Variants in NCOR2 observed in about 807,000 individuals in gnomAD.
NCOR2 encodes CTG repeat protein 26.
A neutral mutation model predicts 262.9 loss-of-function variants in NCOR2; 81 were observed. The ratio of observed to expected loss-of-function variants is 0.31; its 90% CI spans 0.26 to 0.37. NCOR2 has a LOEUF of 0.37. Ranked by LOEUF, NCOR2 falls within the 10% of genes least tolerant of loss-of-function variation. The probability of loss-of-function intolerance (pLI) is 1.00; values close to 1 mark genes in which losing one functional copy is unlikely to be tolerated. For missense variants in NCOR2, 3,385 were observed against 3,621.4 expected (o/e 0.93, Z 1.68); for synonymous variants, 1,659 against 1,559.3 (o/e 1.06, Z -1.51).
intron 4 of NCOR2, among the ~76,000 whole-genome samples, chr12:124,472,638 C>A (rs77672309): frequency 1.3e-5 from 2 of 152,314 alleles, no homozygotes; most frequent in Middle Eastern, 3.4e-3. Context: ...CTGTCTAATG[C>A]GGCAGCCTGT....
chr12:124,337,116 G>A, exon 38 of NCOR2: 1 of 1,510,582 alleles, frequency 6.6e-7, no homozygotes, highest in Non-Finnish European at 8.9e-7. Flanking sequence ...GTGCCGCCCA[G>A]TGGGCAGTGG....
chr12:124,358,201 C>T lies in NCOR2; in HGVS notation c.3101-1419G>A, dbSNP rs567241455. 4.4e-4 allele frequency among the ~76,000 whole-genome samples: 65 copies of T among 147,414 alleles called. No homozygotes were observed. In the South Asian group the frequency reaches 0.01, roughly 24 times the overall value. ...AAGGAGATAACCTGTGATGTGTGTG[C>T]GCGTGCATGTGCATGTGTGTGTGAG... On this transcript the variant is annotated intron_variant, in intron 22 of 46. Transcript: ENST00000405201.
intron 20 of NCOR2, among the ~76,000 whole-genome samples, chr12:124,367,928 C>A (rs1037175898): frequency 1.7e-4 from 26 of 152,370 alleles, no homozygotes; most frequent in Admixed American, 1.4e-3. Flanking sequence ...GCCACCGCGA[C>A]CGGCCTCTCT....
Position 124,483,721 on chromosome 12 carries a change from C to T in NCOR2, c.286G>A (p.Gly96Arg), listed in dbSNP as rs376765933. ...TCAATGAACTCCATCTCTGACTTCC[C>T]CAGCTCGGGCAGGTATGAGTGGGAC... Residue 96 changes from glycine (G) to arginine (R), a missense_variant, in exon 3 of 47, where the codon GGG (glycine) becomes AGG (arginine). By Grantham distance (125) the Gly-to-Arg change is moderately radical. Coordinates refer to ENST00000405201, the Ensembl canonical transcript of NCOR2. The surrounding 1 kb of genome is among the most constrained non-coding windows in gnomAD (Gnocchi z 6.3). 8.7e-6 allele frequency: 14 copies of T among 1,611,304 alleles called. No homozygotes were observed. In the African/African-American group the frequency reaches 1.9e-4, roughly 22 times the overall value.
rs190992647 is a variant in NCOR2 at position 124,548,092 on chromosome 12, G to A, written c.-164-12481C>T. 5.1e-4 allele frequency among the ~76,000 whole-genome samples: 78 copies of A among 151,748 alleles called. 1 individual carries two copies. The highest frequency in any genetic ancestry group is 1.7e-3 in the African/African-American group (69 of 41,364). Reference sequence around the variant, plus strand: ...AGAGGGGCCTGGGGTGCCCCAGGCCGGGCAGGTCCCCTCCTATGGGACCTC... The same window carrying A: ...AGAGGGGCCTGGGGTGCCCCAGGCCAGGCAGGTCCCCTCCTATGGGACCTC... On this transcript the variant is annotated intron_variant, in intron 1 of 32. Transcript: ENST00000458234. This position sits in a 1 kb window ranked among gnomAD's most constrained non-coding sequence, Gnocchi z 5.1.
At chr12:124,429,759 T>G in intron 9 of NCOR2, 53 bp from the exon 12 acceptor site, 1 of 1,483,924 alleles carries the variant, frequency 6.7e-7, no homozygotes, top group Non-Finnish European at 9.2e-7. Context: ...TCGGGGACAC[T>G]AGCAGACCCC....
At chr12:124,543,799 C>A (rs1029299509) in intron 1 of NCOR2, among the ~76,000 whole-genome samples, 1 of 152,212 alleles carries the variant, frequency 6.6e-6, no homozygotes, top group African/African-American at 2.4e-5. Context: ...GCCGCGGAGG[C>A]CCCACGCGGC....
intron 22 of NCOR2, 186 bp from the exon 25 acceptor site, chr12:124,356,968 T>G: frequency 1.5e-6 from 1 of 657,168 alleles, no homozygotes; most frequent in Non-Finnish European, 2.3e-6. Context: ...CCCCATGGTA[T>G]TCTGCTCAGC....
chr12:124,392,978 T>C (rs1362626659), intron 16 of NCOR2, among the ~76,000 whole-genome samples: 3 of 152,100 alleles, frequency 2.0e-5, no homozygotes, highest in Non-Finnish European at 2.9e-5. Context: ...TCCCTGGAGA[T>C]TGGGAAGGAC....
rs947046659 is a variant in NCOR2 at position 124,386,280 on chromosome 12, G to T, written c.1877-393C>A. Among the ~76,000 whole-genome samples the T allele has an allele frequency of 1.1e-4, 17 of 152,128 alleles. 1 individual carries two copies. Among genetic ancestry groups the T allele is most frequent in the Non-Finnish European group, 1.0e-4 (7 of 68,020 alleles). On this transcript the variant is annotated intron_variant, in intron 16 of 46. Coordinates refer to ENST00000405201, the Ensembl canonical transcript of NCOR2. ...CCCCACCTCTCCTGCTGGGCGGAGG[G>T]CCTGGCCTACGTGACCCAGCCCTGA...
chr12:124,558,722 G>A (rs2051968077), intron 1 of NCOR2, among the ~76,000 whole-genome samples: 1 of 152,150 alleles, frequency 6.6e-6, no homozygotes, highest in South Asian at 2.1e-4. Context: ...TGACCCTGGG[G>A]TCAGTGCCGT....
In NCOR2 at chr12:124,519,127, CACACAG is replaced by C. The variant is rs201107355; in HGVS notation, c.-118+16432_-118+16437del. Among the ~76,000 whole-genome samples the C allele has an allele frequency of 0.011, 1,662 of 151,344 alleles. 90 individuals carry two copies. In the East Asian group the frequency reaches 0.16, roughly 14 times the overall value. Reference sequence around the variant, plus strand: ...ACACACACACACACACACACACACACACACAGGCCAACAATGATGGCTTGGTAGTCA... The same window carrying C: ...ACACACACACACACACACACACACACGCCAACAATGATGGCTTGGTAGTCA... On this transcript the variant is annotated intron_variant, in intron 1 of 46. Transcript: ENST00000404621.
At chr12:124,342,768 C>T (rs2036565332) in intron 33 of NCOR2, among the ~76,000 whole-genome samples, 2 of 152,220 alleles carry the variant, frequency 1.3e-5, no homozygotes, top group Admixed American at 6.5e-5. Context: ...ATAAGTCCTG[C>T]CGGAAAAGAA....
chr12:124,560,064 A>C (rs2052018454), intron 1 of NCOR2, among the ~76,000 whole-genome samples: 2 of 152,212 alleles, frequency 1.3e-5, no homozygotes, highest in African/African-American at 4.8e-5. Flanking sequence ...CCAGGCTAGA[A>C]GGAGGGGTTT....
At chr12:124,401,748 TCC>T (rs2041998169) in intron 14 of NCOR2, among the ~76,000 whole-genome samples, 1 of 152,206 alleles carries the variant, frequency 6.6e-6, no homozygotes, top group Non-Finnish European at 1.5e-5. Context: ...CCATTCATCT[TCC>T]TGAAAGGCCC....
At chr12:124,486,603 C>CGGGCACGGGCATGGCG (rs2047777342) in intron 1 of NCOR2, 35 bp from the exon 4 acceptor site, 5 of 1,538,576 alleles carry the variant, frequency 3.2e-6, no homozygotes, top group Non-Finnish European at 4.4e-6. Context: ...TGAGCGTGGG[C>CGGGCACGGGCATGGCG]GGGCACGGGC....
chr12:124,442,447 T>G (rs2044864706), intron 7 of NCOR2, among the ~76,000 whole-genome samples: 1 of 152,212 alleles, frequency 6.6e-6, no homozygotes, highest in Non-Finnish European at 1.5e-5. Flanking sequence ...GCCCTAGTTG[T>G]GGTAAGTGTT....
chr12:124,402,904 G>A (rs1198491874), intron 13 of NCOR2, among the ~76,000 whole-genome samples: 1 of 152,144 alleles, frequency 6.6e-6, no homozygotes, highest in Admixed American at 6.6e-5. Flanking sequence ...CGACTCCTTC[G>A]CCTTGACAAT....
chr12:124,553,512 G>T (rs1364411387), intron 1 of NCOR2, among the ~76,000 whole-genome samples: 1 of 152,168 alleles, frequency 6.6e-6, no homozygotes, highest in African/African-American at 2.4e-5. Context: ...ACGTGCCTCA[G>T]TCTCTCCACT....
Sources: gnomAD v4.1 joint callset for allele counts (sites outside exome capture counted in the v4.1 genomes callset) on GRCh38, gnomAD v4.1.1 for gene constraint, Gnocchi (gnomAD v3.1) non-coding constraint, MANE v1.5 for transcripts, NCBI Gene and HGNC (gene_info 2026-07-23, HGNC 2026-07-21) for gene names.